TBC1D5: variants seen among roughly 807,000 people sequenced by gnomAD.
The protein encoded by TBC1D5 is TBC1 domain family member 5.
A neutral mutation model predicts 100.3 loss-of-function variants in TBC1D5; 75 were observed. The ratio of observed to expected loss-of-function variants is 0.75; its 90% confidence interval spans 0.62 to 0.91. The LOEUF (loss-of-function observed/expected upper bound fraction) is 0.91, where lower values mean the gene tolerates loss of function less well. Among genes scored for constraint, TBC1D5 ranks in the 40% least tolerant of loss-of-function variants. The probability of loss-of-function intolerance (pLI) is 0.00; values close to 1 mark genes in which losing one functional copy is unlikely to be tolerated. For synonymous variants in TBC1D5, 323 were observed against 325.6 expected (o/e 0.99, Z 0.09); for missense variants, 910 against 942.4 (o/e 0.97, Z 0.45).
At chr3:17,632,901 G>A (rs1268468052) in intron 1 of TBC1D5, among the ~76,000 whole-genome samples, 1 of 152,008 alleles carries the variant, frequency 6.6e-6, no homozygotes, top group Non-Finnish European at 1.5e-5. Flanking sequence ...CTTTACTGTG[G>A]TGGCCTGGAA....
intron 3 of TBC1D5, among the ~76,000 whole-genome samples, chr3:17,477,604 T>C (rs2095453233): frequency 6.6e-6 from 1 of 152,038 alleles, no homozygotes; most frequent in African/African-American, 2.4e-5. Flanking sequence ...TCATTGTATG[T>C]CCGTTATAAA....
chr3:17,174,074 C>T (rs1177659550), intron 19 of TBC1D5, among the ~76,000 whole-genome samples: 4 of 152,176 alleles, frequency 2.6e-5, no homozygotes, highest in Admixed American at 2.0e-4. Flanking sequence ...CTCCCATCTT[C>T]CCTATAATGA....
intron 16 of TBC1D5, among the ~76,000 whole-genome samples, chr3:17,253,470 C>G (rs922014341): frequency 6.6e-6 from 1 of 152,030 alleles, no homozygotes. Flanking sequence ...ACATCTTTTT[C>G]TTTTTATAAA....
At chr3:17,520,657 T>C (rs750161586) in intron 2 of TBC1D5, among the ~76,000 whole-genome samples, 12 of 152,004 alleles carry the variant, frequency 7.9e-5, no homozygotes, top group Non-Finnish European at 1.5e-4. Context: ...TAAGAAAAAG[T>C]CCAGGAAATG....
chr3:17,404,813 T>G, intron 6 of TBC1D5, 45 bp from the exon 7 acceptor site: 1 of 1,585,226 alleles, frequency 6.3e-7, no homozygotes, highest in East Asian at 2.3e-5. Context: ...CAGAGGCTAC[T>G]GGACTTTAAA....
intron 18 of TBC1D5, among the ~76,000 whole-genome samples, chr3:17,189,679 G>A (rs568902815): frequency 6.6e-6 from 1 of 152,254 alleles, no homozygotes; most frequent in South Asian, 2.1e-4. Flanking sequence ...GTATGCTAAG[G>A]TTTAGATAGC....
At chr3:17,591,096 T>G (rs1257796182) in intron 2 of TBC1D5, among the ~76,000 whole-genome samples, 1 of 149,856 alleles carries the variant, frequency 6.7e-6, no homozygotes, top group African/African-American at 2.4e-5. Flanking sequence ...ATTAGCCAGG[T>G]GTGGTGGCGG....
chr3:17,296,362 C>T (rs2082257573), intron 14 of TBC1D5, among the ~76,000 whole-genome samples: 1 of 152,206 alleles, frequency 6.6e-6, no homozygotes, highest in African/African-American at 2.4e-5. Flanking sequence ...AAATGTAATG[C>T]TCTCTGAAAA....
chr3:17,591,257 A>AAAAC (rs2096768628), intron 2 of TBC1D5, among the ~76,000 whole-genome samples: 1 of 121,424 alleles, frequency 8.2e-6, no homozygotes, highest in Non-Finnish European at 1.8e-5. Context: ...AAAAAAAAAA[A>AAAAC]AAAAAAAAAC....
At chr3:17,483,697 G>C (rs1268714377) in intron 3 of TBC1D5, among the ~76,000 whole-genome samples, 1 of 152,090 alleles carries the variant, frequency 6.6e-6, no homozygotes, top group African/African-American at 2.4e-5. Context: ...AGAAGGTATA[G>C]AAATGTGTTA....
rs1490118795 is a variant in TBC1D5, at chr3:17,343,954, T to G, written c.995+28121A>C. Among the ~76,000 whole-genome samples the G allele has an allele frequency of 2.8e-4, 43 of 152,328 alleles. 1 individual carries two copies. Among genetic ancestry groups the G allele is most frequent in the Admixed American group, 1.8e-3 (28 of 15,298 alleles). ...CATTAATTTTTTGAAGGGTTTTTTT[T>G]GTCTCTATTTCCTTCAGTTCTGCTC... On this transcript the variant is annotated intron_variant, in intron 13 of 21. Transcript: ENST00000253692.
At chr3:17,283,290 G>C (rs559768693) in intron 15 of TBC1D5, among the ~76,000 whole-genome samples, 1 of 152,122 alleles carries the variant, frequency 6.6e-6, no homozygotes, top group East Asian at 1.9e-4. Flanking sequence ...TCCAATAAAC[G>C]CAGCAGGGTG....
chr3:17,399,623 A>G lies in TBC1D5; in HGVS notation c.509+3558T>C, dbSNP rs183192333. Reference sequence around the variant, plus strand: ...ACCTTTGCCCCACTGCACAGCAGCCATAATTATCTTTGTAGGTATCATGCC... The same window carrying G: ...ACCTTTGCCCCACTGCACAGCAGCCGTAATTATCTTTGTAGGTATCATGCC... On this transcript the variant is annotated intron_variant, in intron 8 of 21. Coordinates refer to ENST00000253692, the Ensembl canonical transcript of TBC1D5. Among the ~76,000 whole-genome samples, 122 of 152,172 alleles carry G rather than the reference A, an allele frequency of 8.0e-4. 1 individual carries two copies. Among genetic ancestry groups the G allele is most frequent in the Non-Finnish European group, 1.4e-3 (98 of 67,970 alleles).
At chr3:17,352,683 CAA>C (rs1363926293) in intron 13 of TBC1D5, among the ~76,000 whole-genome samples, 15 of 94,898 alleles carry the variant, frequency 1.6e-4, no homozygotes, top group Admixed American at 3.6e-4. Context: ...AAGCAAAAGG[CAA>C]AAAAAAAAAA....
At chr3:17,601,017 C>G (rs2060901711) in intron 2 of TBC1D5, among the ~76,000 whole-genome samples, 1 of 152,142 alleles carries the variant, frequency 6.6e-6, no homozygotes, top group Admixed American at 6.5e-5. Flanking sequence ...AGAATAATAG[C>G]CTTCCCAGTC....
chr3:17,673,365 G>A (rs111631085), intron 1 of TBC1D5, among the ~76,000 whole-genome samples: 7,377 of 142,592 alleles, frequency 0.052, 598 homozygotes, highest in African/African-American at 0.18. Flanking sequence ...GCTGGAGTAC[G>A]GTGGCATGAT....
chr3:17,455,544 G>GTGTA (rs746332226), intron 3 of TBC1D5, among the ~76,000 whole-genome samples: 184 of 147,824 alleles, frequency 1.2e-3, no homozygotes, highest in African/African-American at 3.4e-3. Context: ...GTGTGTGTGT[G>GTGTA]TATATATATA....
chr3:17,695,089 G>A (rs2071800894), intron 1 of TBC1D5, among the ~76,000 whole-genome samples: 1 of 152,136 alleles, frequency 6.6e-6, no homozygotes, highest in Admixed American at 6.5e-5. Context: ...AAGAGCTCCT[G>A]AAGGAAGCAC....
intron 2 of TBC1D5, among the ~76,000 whole-genome samples, chr3:17,580,758 T>G (rs2096688967): frequency 6.6e-6 from 1 of 152,272 alleles, no homozygotes; most frequent in Non-Finnish European, 1.5e-5. Flanking sequence ...AAATAAGATT[T>G]CCCCTCTTCC....
Sources: gnomAD v4.1 joint callset for allele counts (sites outside exome capture counted in the v4.1 genomes callset) on GRCh38, gnomAD v4.1.1 for gene constraint, MANE v1.5 for transcripts, NCBI Gene and HGNC (gene_info 2026-07-23, HGNC 2026-07-21) for gene names.